The following MYH10 variants were observed in gnomAD, a reference collection of about 807,000 sequenced individuals.
MYH10 encodes the protein myosin-10.
A neutral mutation model predicts 257.8 loss-of-function variants in MYH10; 55 were observed. The observed-to-expected ratio is 0.21, with a 90% CI of 0.17 to 0.27. The LOEUF (loss-of-function observed/expected upper bound fraction) is 0.27. Ranked by LOEUF, MYH10 falls within the 10% of genes least tolerant of loss-of-function variation. The probability of loss-of-function intolerance (pLI) is 1.00; values close to 1 mark genes in which losing one functional copy is unlikely to be tolerated. For missense variants in MYH10, 1,631 were observed against 2,500.6 expected (o/e 0.65, Z 7.42); for synonymous variants, 854 against 921.7 (o/e 0.93, Z 1.33).
intron 28 of MYH10, among the ~76,000 whole-genome samples, chr17:8,503,377 G>C (rs1178766757): frequency 6.6e-6 from 1 of 152,184 alleles, no homozygotes; most frequent in Non-Finnish European, 1.5e-5. Flanking sequence ...TCCTCTCTCT[G>C]GGTAAAAGCT....
At chr17:8,512,746 C>A in intron 23 of MYH10, 89 bp from the exon 24 acceptor site, 1 of 997,402 alleles carries the variant, frequency 1.0e-6, no homozygotes, top group Non-Finnish European at 1.4e-6. Context: ...CAATGCACAT[C>A]AAAGAAACTG....
chr17:8,488,609 T>C (rs1915257181), intron 35 of MYH10, among the ~76,000 whole-genome samples: 6 of 152,226 alleles, frequency 3.9e-5, no homozygotes, highest in Admixed American at 3.9e-4. Context: ...TTCCGCTTCC[T>C]GCAAAGAGGA....
At chr17:8,539,184 A>G (rs1006812261) in intron 14 of MYH10, among the ~76,000 whole-genome samples, 4 of 152,138 alleles carry the variant, frequency 2.6e-5, no homozygotes, top group Non-Finnish European at 5.9e-5. Context: ...CAAGAAATCA[A>G]TTTCTTTTCT....
At position 8,569,663 on chromosome 17, in the gene MYH10, G is replaced by C; in HGVS notation, c.756+57C>G. The C allele has an allele frequency of 8.0e-7, 1 of 1,252,076 alleles. No homozygotes were observed. Among genetic ancestry groups the C allele is most frequent in the South Asian group, 1.4e-5 (1 of 69,588 alleles). The allele number at this position is 1,252,076 out of a possible 1,614,324, so 77.6% of individuals were successfully genotyped here. Reference sequence around the variant, plus strand: ...AAAGTAATTCATTTGCTTAATCACAGTAAACATTTAACTAGAAATCTAAGG... The same window carrying C: ...AAAGTAATTCATTTGCTTAATCACACTAAACATTTAACTAGAAATCTAAGG... On this transcript the variant is annotated intron_variant, in intron 7 of 42. Transcript: ENST00000360416. The surrounding 1 kb of genome is among the most constrained non-coding windows in gnomAD (Gnocchi z 4.1).
chr17:8,492,964 C>A lies in MYH10; in HGVS notation c.4270G>T (p.Ala1424Ser). The change falls in exon 33 of 43, where the codon GCC (alanine) becomes TCC (serine). Residue 1424 changes from alanine (A) to serine (S), a missense_variant. Transcript: ENST00000360416. Reference protein sequence around the residue: ...DLGTIESLEEAKKKLLKDAEA... With the variant: ...DLGTIESLEESKKKLLKDAEA... ...GCGTCCTTCAGAAGCTTCTTCTTGGCTTCTTCCAGACTTTCAATTGTTCCC... is the reference window on the plus strand; with the variant it reads ...GCGTCCTTCAGAAGCTTCTTCTTGGATTCTTCCAGACTTTCAATTGTTCCC... 6.2e-7 allele frequency: 1 copy of A among 1,614,128 alleles called. No homozygotes were observed. The highest frequency in any genetic ancestry group is 8.5e-7 in the Non-Finnish European group (1 of 1,180,016).
In MYH10 at chr17:8,546,062, AT is replaced by A. The variant is rs1388371947; in HGVS notation, c.1279-463del. On this transcript the variant is annotated intron_variant, in intron 12 of 42. Transcript: ENST00000360416. ...TTTTTAAAAAATCACCTTTAAAAAA[AT>A]TTTTTTTTTTTTTGATACGGAGTCT... Among the ~76,000 whole-genome samples the A allele has an allele frequency of 5.5e-3, 822 of 148,896 alleles. 6 individuals carry two copies. Among genetic ancestry groups the A allele is most frequent in the African/African-American group, 0.018 (719 of 40,580 alleles).
chr17:8,531,341 A>C (rs1164283871), intron 16 of MYH10, among the ~76,000 whole-genome samples: 1 of 152,024 alleles, frequency 6.6e-6, no homozygotes, highest in Non-Finnish European at 1.5e-5. Flanking sequence ...ATGAAAATGC[A>C]ATCTTTAGGA....
rs1025477415 is a variant in MYH10, at chr17:8,506,727, A to C, written c.3215-238T>G. Among the ~76,000 whole-genome samples the C allele has an allele frequency of 1.7e-4, 26 of 151,972 alleles. No homozygotes were observed. Among genetic ancestry groups the C allele is most frequent in the African/African-American group, 6.0e-4 (25 of 41,368 alleles). On this transcript the variant is annotated intron_variant, in intron 26 of 42. Transcript: ENST00000360416. The surrounding 1 kb of genome is among the most constrained non-coding windows in gnomAD (Gnocchi z 5.0). ...TTTAAGGAAGAAGTTGAGTGTCCTAAGAATGTCCTTTCATGGGAGGTGAGA... is the reference window on the plus strand; with the variant it reads ...TTTAAGGAAGAAGTTGAGTGTCCTACGAATGTCCTTTCATGGGAGGTGAGA...
In MYH10 at chr17:8,512,462, C is replaced by T; in HGVS notation, c.2941G>A (p.Ala981Thr). 1 of 1,611,394 alleles carries T rather than the reference C, an allele frequency of 6.2e-7. No individual in the cohort carries two copies. Among genetic ancestry groups the T allele is most frequent in the South Asian group, 1.1e-5 (1 of 90,618 alleles). The change falls in exon 24 of 43, where the codon GCA becomes ACA. Residue 981 changes from alanine (A) to threonine (T), a missense_variant. By Grantham distance (58) the Ala-to-Thr change is moderately conservative. Around this residue, in one of 11 missense-constraint regions of MYH10, gnomAD observed 169 missense variants for 249.8 expected, o/e 0.68. Coordinates refer to ENST00000360416, the MANE Select transcript of MYH10 (RefSeq NM_001256012.3). ...ILQNEKKKMQ[A>T]HIQDLEEQLD... ...ATTATTATACATACCTGAATATGTG[C>T]TTGCATTTTTTTCTTTTCATTTTGG...
chr17:8,492,577 G>A (rs1915942671), intron 33 of MYH10, 68 bp from the exon 34 acceptor site: 4 of 1,449,446 alleles, frequency 2.8e-6, no homozygotes, highest in Middle Eastern at 1.8e-4. Flanking sequence ...CTTCCACCAT[G>A]TGGCTGATTT....
rs1246600756 is a variant in MYH10, at chr17:8,546,410, A to C, written c.1278+134T>G. On this transcript the variant is annotated intron_variant, in intron 12 of 42. Transcript: ENST00000360416. ...AAGTAAATATACTTAAAAAAAAAAA[A>C]CTCATTTAGTACCTAAAAACACCCA... is the stretch of plus-strand genomic sequence containing the variant. The C allele has an allele frequency of 2.7e-5, 17 of 639,402 alleles. No homozygotes were observed. In the South Asian group the frequency reaches 4.0e-4, roughly 15 times the overall value. The allele number at this position is 639,402 out of a possible 1,614,324, so 39.6% of individuals were successfully genotyped here.
At chr17:8,624,760 C>A (rs1433810950) in intron 1 of MYH10, among the ~76,000 whole-genome samples, 2 of 152,228 alleles carry the variant, frequency 1.3e-5, no homozygotes, top group Non-Finnish European at 2.9e-5. Context: ...AGTGGTTACA[C>A]ATTCAACCAA....
rs184644803 is a variant in MYH10, at chr17:8,587,644, T to C, written c.530+1437A>G. On this transcript the variant is annotated intron_variant, in intron 4 of 42. Coordinates refer to ENST00000360416, the MANE Select transcript of MYH10 (RefSeq NM_001256012.3). ...CCCAACCCCTGTGCTCTGCACCTCATCACCCTCCTTGCTCTCTCAATTCTC... is the reference window on the plus strand; with the variant it reads ...CCCAACCCCTGTGCTCTGCACCTCACCACCCTCCTTGCTCTCTCAATTCTC... Among the ~76,000 whole-genome samples, 713 of 152,110 alleles carry C rather than the reference T, an allele frequency of 4.7e-3. 10 individuals carry two copies. The highest frequency in any genetic ancestry group is 0.016 in the African/African-American group (667 of 41,512).
rs777412121 is a variant in MYH10, at chr17:8,589,061, A to G, written c.530+20T>C. 6.2e-7 allele frequency: 1 copy of G among 1,612,796 alleles called. No individual in the cohort carries two copies. Reference sequence around the variant, plus strand: ...TCCAAGAAAATCAAAAACAAATCTGAACATTCAACATTTACTTACGTGCAA... The same window carrying G: ...TCCAAGAAAATCAAAAACAAATCTGGACATTCAACATTTACTTACGTGCAA... On this transcript the variant is annotated intron_variant, in intron 4 of 42. Transcript: ENST00000360416.
At chr17:8,514,653 G>A (rs970289771) in intron 21 of MYH10, among the ~76,000 whole-genome samples, 4 of 150,028 alleles carry the variant, frequency 2.7e-5, no homozygotes, top group South Asian at 2.1e-4. Flanking sequence ...ACAACCCCCA[G>A]GCCCAAATGA....
intron 28 of MYH10, among the ~76,000 whole-genome samples, chr17:8,503,122 A>G (rs996955451): frequency 6.6e-5 from 10 of 152,036 alleles, no homozygotes; most frequent in Non-Finnish European, 1.3e-4. Context: ...ATCTCTACCA[A>G]AAAATACAAA....
intron 40 of MYH10, among the ~76,000 whole-genome samples, chr17:8,479,601 G>A (rs1913318947): frequency 6.6e-6 from 1 of 152,200 alleles, no homozygotes; most frequent in African/African-American, 2.4e-5. Context: ...GGGTGAATCT[G>A]AAGGTCTGCC....
chr17:8,603,680 A>G (rs562571710), intron 3 of MYH10, among the ~76,000 whole-genome samples: 1 of 152,264 alleles, frequency 6.6e-6, no homozygotes, highest in African/African-American at 2.4e-5. Context: ...ACCAAAAACA[A>G]AAAGAGTGGA....
chr17:8,491,852 C>T (rs888214013), intron 34 of MYH10, among the ~76,000 whole-genome samples: 4 of 152,206 alleles, frequency 2.6e-5, no homozygotes, highest in Non-Finnish European at 5.9e-5. Context: ...GCCCCCAAAG[C>T]TACTGAAGCT....
Sources: gnomAD v4.1 joint callset for allele counts (sites outside exome capture counted in the v4.1 genomes callset) on GRCh38, gnomAD v4.1.1 for gene constraint, gnomAD v4.1.1 regional missense constraint, Gnocchi (gnomAD v3.1) non-coding constraint, MANE v1.5 for transcripts, NCBI Gene and HGNC (gene_info 2026-07-23, HGNC 2026-07-21) for gene names.